TBPL1: variants seen among roughly 807,000 people sequenced by gnomAD.
The protein encoded by TBPL1 is TATA-box binding protein like 1, also known as TATA box-binding protein-like 1.
In TBPL1, 4 loss-of-function variants were observed where a neutral mutation model predicts 22.1. The ratio of observed to expected loss-of-function variants is 0.18; its 90% CI spans 0.09 to 0.41. The LOEUF is 0.41. Among genes scored for constraint, TBPL1 ranks in the 10% least tolerant of loss-of-function variants. TBPL1 has a pLI of 1.00. For synonymous variants in TBPL1, 64 were observed against 71.0 expected, an observed-to-expected ratio of 0.90 and a Z score of 0.50; for missense variants, 115 against 222.3, an observed-to-expected ratio of 0.52 and a Z score of 3.07.
chr6:133,955,072 A>G lies in TBPL1; in HGVS notation c.-45+1647A>G, dbSNP rs1775904122. On this transcript the variant is annotated intron_variant, in intron 1 of 6. Coordinates refer to ENST00000237264, the MANE Select transcript of TBPL1 (RefSeq NM_004865.4). Reference sequence around the variant, plus strand: ...AAGAAAAAGATAGATTAATGAATCAAAGACTGTTGCTTAATCTTTGTAGCA... The same window carrying G: ...AAGAAAAAGATAGATTAATGAATCAGAGACTGTTGCTTAATCTTTGTAGCA... Among the ~76,000 whole-genome samples, 5 of 152,212 alleles carry G rather than the reference A, an allele frequency of 3.3e-5. No homozygotes were observed. The South Asian group carries it at 1.0e-3, about 32-fold the overall frequency.
intron 1 of TBPL1, among the ~76,000 whole-genome samples, chr6:133,968,435 A>G (rs1020981835): frequency 6.6e-6 from 1 of 152,212 alleles, no homozygotes; most frequent in Non-Finnish European, 1.5e-5. Context: ...AGTCAGTAAA[A>G]TACACTTTTT....
intron 1 of TBPL1, among the ~76,000 whole-genome samples, chr6:133,968,637 C>A (rs1205555343): frequency 1.3e-5 from 2 of 152,086 alleles, no homozygotes; most frequent in African/African-American, 4.8e-5. Flanking sequence ...GCTTCCATTA[C>A]AATTGATGTC....
intron 1 of TBPL1, among the ~76,000 whole-genome samples, chr6:133,964,009 C>G (rs1287728780): frequency 3.9e-5 from 6 of 152,150 alleles, no homozygotes; most frequent in Admixed American, 2.0e-4. Context: ...ACACTGCACT[C>G]CAGCCTGGGC....
intron 1 of TBPL1, among the ~76,000 whole-genome samples, chr6:133,971,792 T>C (rs1459056703): frequency 6.6e-6 from 1 of 152,204 alleles, no homozygotes; most frequent in Non-Finnish European, 1.5e-5. Flanking sequence ...TTTCTTTTGC[T>C]GAGTTGGTTG....
At chr6:133,979,985 A>G (rs1309944368) in intron 1 of TBPL1, 97 bp from the exon 2 acceptor site, 1 of 962,252 alleles carries the variant, frequency 1.0e-6, no homozygotes, top group Non-Finnish European at 1.4e-6. Flanking sequence ...TGAAAAATAA[A>G]TAATATAGAT....
At chr6:133,984,736 A>T in intron 6 of TBPL1, 65 bp downstream of exon 6, 1 of 1,343,028 alleles carries the variant, frequency 7.4e-7, no homozygotes, top group East Asian at 2.4e-5. Flanking sequence ...TGCTCATACC[A>T]AGATAGAAAT....
At chr6:133,964,246 A>G (rs931243707) in intron 1 of TBPL1, among the ~76,000 whole-genome samples, 3 of 152,092 alleles carry the variant, frequency 2.0e-5, no homozygotes, top group African/African-American at 7.2e-5. Flanking sequence ...CTCTGTGTTT[A>G]TCCTTTTTGA....
At chr6:133,982,499 G>GATATT in intron 2 of TBPL1, 69 bp from the exon 3 acceptor site, 2 of 1,354,748 alleles carry the variant, frequency 1.5e-6, no homozygotes, top group Non-Finnish European at 2.0e-6. Flanking sequence ...ACATTAATAT[G>GATATT]ACTATATAGA....
intron 1 of TBPL1, among the ~76,000 whole-genome samples, chr6:133,976,105 ATGT>A (rs1436824422): frequency 6.6e-6 from 1 of 152,216 alleles, no homozygotes; most frequent in African/African-American, 2.4e-5. Flanking sequence ...ATTTTCATGA[ATGT>A]TGTGTCAAAG....
At chr6:133,955,800 ATTC>A (rs2114314281) in intron 1 of TBPL1, among the ~76,000 whole-genome samples, 1 of 152,346 alleles carries the variant, frequency 6.6e-6, no homozygotes, top group East Asian at 1.9e-4. Context: ...TAAAAAAATT[ATTC>A]TTAAAATCAA....
Position 133,990,216 on chromosome 6 carries a change from G to C in TBPL1, c.*3176G>C, listed in dbSNP as rs1474531521. 6.6e-6 allele frequency: 1 copy of C among 152,622 alleles called. No homozygotes were observed. Among genetic ancestry groups the C allele is most frequent in the Non-Finnish European group, 1.5e-5 (1 of 68,034 alleles). The allele number at this position is 152,622 out of a possible 1,614,324, so 9.5% of individuals were successfully genotyped here. A position where few individuals can be genotyped will look rare whatever the true frequency, so the allele number is the denominator to read the frequency against. ...AATTATAGCCTGTGTACCGTAACCTGAGGTAGTGATATTCCTGAGGAGTGT... is the reference window on the plus strand; with the variant it reads ...AATTATAGCCTGTGTACCGTAACCTCAGGTAGTGATATTCCTGAGGAGTGT... On this transcript the variant is annotated 3_prime_UTR_variant, in exon 7 of 7. Transcript: ENST00000237264.
In TBPL1 at chr6:133,972,237, T is replaced by C. The variant is rs193026348; in HGVS notation, c.-44-7845T>C. The stretch of plus-strand genomic sequence containing the variant: ...GTCTGTCTACATAACCACTCTATTT[T>C]CTCTTCTAACAAAATTAACAGTAAT... On this transcript the variant is annotated intron_variant, in intron 1 of 6. Coordinates refer to ENST00000237264, the MANE Select transcript of TBPL1 (RefSeq NM_004865.4). Among the ~76,000 whole-genome samples the C allele has an allele frequency of 8.4e-4, 128 of 152,312 alleles. 1 individual carries two copies. Among genetic ancestry groups the C allele is most frequent in the Non-Finnish European group, 1.8e-4 (12 of 68,028 alleles).
chr6:133,977,354 A>T (rs1011172042), intron 1 of TBPL1, among the ~76,000 whole-genome samples: 2 of 152,210 alleles, frequency 1.3e-5, no homozygotes, highest in African/African-American at 4.8e-5. Flanking sequence ...TAAGTTGCTG[A>T]AATGATGAAA....
At chr6:133,955,021 C>G (rs1177664791) in intron 1 of TBPL1, among the ~76,000 whole-genome samples, 1 of 152,042 alleles carries the variant, frequency 6.6e-6, no homozygotes. Context: ...CATTGGGAAA[C>G]TTAAGTTGCA....
intron 1 of TBPL1, among the ~76,000 whole-genome samples, chr6:133,973,946 T>G (rs187199261): frequency 6.6e-6 from 1 of 151,000 alleles, no homozygotes; most frequent in Non-Finnish European, 1.5e-5. Flanking sequence ...TTTTCTTATA[T>G]TAAACCTAAC....
chr6:133,971,656 G>A (rs909624096), intron 1 of TBPL1, among the ~76,000 whole-genome samples: 2 of 151,804 alleles, frequency 1.3e-5, no homozygotes, highest in Non-Finnish European at 2.9e-5. Context: ...TCTCATTGTG[G>A]TTTTGATTTG....
intron 1 of TBPL1, among the ~76,000 whole-genome samples, chr6:133,972,355 G>A (rs1265393010): frequency 6.6e-6 from 1 of 152,084 alleles, no homozygotes; most frequent in Non-Finnish European, 1.5e-5. Flanking sequence ...TTAAAACCGG[G>A]ATCTAATCAA....
chr6:133,980,970 T>C (rs1241842864), intron 2 of TBPL1, among the ~76,000 whole-genome samples: 1 of 141,048 alleles, frequency 7.1e-6, no homozygotes, highest in Non-Finnish European at 1.5e-5. Flanking sequence ...TAATTTTTTT[T>C]TTTTTTTTTT....
Position 133,989,622 on chromosome 6 carries a change from G to A in TBPL1, c.*2582G>A, listed in dbSNP as rs1266402404. 6.6e-6 allele frequency: 1 copy of A among 152,072 alleles called. No individual in the cohort carries two copies. Among genetic ancestry groups the A allele is most frequent in the Non-Finnish European group, 1.5e-5 (1 of 68,006 alleles). 9.4% of individuals were successfully genotyped at this position (152,072 alleles called of 1,614,324 possible). On this transcript the variant is annotated 3_prime_UTR_variant, in exon 7 of 7. Coordinates refer to ENST00000237264, the MANE Select transcript of TBPL1 (RefSeq NM_004865.4). The stretch of plus-strand genomic sequence containing the variant: ...AGATCTCCAATCTCCTTTCCTTTTA[G>A]CTTCCCCCTGCCAATTTTTATACAG...
Sources: gnomAD v4.1 joint callset for allele counts (sites outside exome capture counted in the v4.1 genomes callset) on GRCh38, gnomAD v4.1.1 for gene constraint, MANE v1.5 for transcripts, NCBI Gene and HGNC (gene_info 2026-07-23, HGNC 2026-07-21) for gene names.